Variants in ADGRG6 observed in about 807,000 individuals in gnomAD.
The protein encoded by ADGRG6 is adhesion G protein-coupled receptor G6.
In ADGRG6, 84 loss-of-function variants were observed where a neutral mutation model predicts 142.4. The ratio of observed to expected loss-of-function variants is 0.59; its 90% CI spans 0.49 to 0.71. The LOEUF (loss-of-function observed/expected upper bound fraction) is 0.71, where lower values mean the gene tolerates loss of function less well. ADGRG6 is among the 30% of genes least tolerant of loss of function. The pLI, the probability that ADGRG6 is intolerant of heterozygous loss-of-function variation, is 0.00. For synonymous variants in ADGRG6, 521 were observed against 520.5 expected, an observed-to-expected ratio of 1.00 and a Z score of -0.01; for missense variants, 1,367 against 1,466.6, an observed-to-expected ratio of 0.93 and a Z score of 1.11.
rs10223419 is a variant in ADGRG6 at position 142,325,217 on chromosome 6, A to T, written c.103+15573A>T. ...ATGTCTAAAAGGCCATGAAGTTTAC[A>T]TCTTCCTGTCTTTTCTTGACCCAAC... On this transcript the variant is annotated intron_variant, in intron 2 of 24. Transcript: ENST00000367609. Among the ~76,000 whole-genome samples, 744 of 152,244 alleles carry T rather than the reference A, an allele frequency of 4.9e-3. 10 individuals carry two copies. Among genetic ancestry groups the T allele is most frequent in the African/African-American group, 0.017 (706 of 41,558 alleles).
chr6:142,317,905 A>G (rs1234884784), intron 2 of ADGRG6, among the ~76,000 whole-genome samples: 1 of 74,986 alleles, frequency 1.3e-5, no homozygotes, highest in South Asian at 3.3e-4. Context: ...ATATTTATAT[A>G]TATTATATAT....
At chr6:142,303,152 A>G (rs1777311350) in intron 1 of ADGRG6, among the ~76,000 whole-genome samples, 1 of 152,042 alleles carries the variant, frequency 6.6e-6, no homozygotes, top group African/African-American at 2.4e-5. Context: ...GTAATAGGTA[A>G]TTTTCCTTCT....
intron 2 of ADGRG6, among the ~76,000 whole-genome samples, chr6:142,364,045 A>C (rs1300661379): frequency 6.6e-6 from 1 of 151,150 alleles, no homozygotes; most frequent in Non-Finnish European, 1.5e-5. Flanking sequence ...CTAGGCTTAC[A>C]TTCAGAAGGG....
At chr6:142,397,533 TCCAAATACTCTGTTTCTCCTA>T in intron 9 of ADGRG6, 59 bp from the exon 10 acceptor site, 1 of 1,343,188 alleles carries the variant, frequency 7.4e-7, no homozygotes, top group Non-Finnish European at 1.0e-6. Context: ...TCCCTCTACA[TCCAAATACTCTGTTTCTCCTA>T]CCAAATGACA....
At position 142,443,518 on chromosome 6, in the gene ADGRG6, T is replaced by A. The variant is rs914089336; in HGVS notation, c.*3T>A. ...TCAGCCACAGCACAAAGTTTTAATG[T>A]CTTTAAGAAAAAGAAATCAATCTGC... On this transcript the variant is annotated 3_prime_UTR_variant, in exon 25 of 25. Coordinates refer to ENST00000367609, the MANE Select transcript of ADGRG6 (RefSeq NM_198569.3). The A allele has an allele frequency of 1.3e-6, 2 of 1,594,252 alleles. No homozygotes were observed. The highest frequency in any genetic ancestry group is 2.7e-5 in the African/African-American group (2 of 74,092).
At chr6:142,346,456 A>G (rs938878217) in intron 2 of ADGRG6, among the ~76,000 whole-genome samples, 4 of 152,142 alleles carry the variant, frequency 2.6e-5, no homozygotes, top group South Asian at 2.1e-4. Context: ...TCTTTTGAGA[A>G]GTATCTGTTC....
intron 22 of ADGRG6, among the ~76,000 whole-genome samples, chr6:142,436,965 T>C (rs9403385): frequency 6.6e-6 from 1 of 152,348 alleles, no homozygotes; most frequent in East Asian, 1.9e-4. Context: ...CCCAAGCTAA[T>C]ATACTATGAA....
At chr6:142,395,352 C>T (rs936275107) in intron 9 of ADGRG6, among the ~76,000 whole-genome samples, 4 of 152,028 alleles carry the variant, frequency 2.6e-5, no homozygotes, top group Non-Finnish European at 5.9e-5. Context: ...GTAATGGATC[C>T]AGCAGCAATC....
chr6:142,414,457 AGGAGCCTCCGCAC>A (rs1776251878), intron 18 of ADGRG6, among the ~76,000 whole-genome samples: 2 of 152,212 alleles, frequency 1.3e-5, no homozygotes, highest in Non-Finnish European at 2.9e-5. Flanking sequence ...AACCAGGGTT[AGGAGCCTCCGCAC>A]CACCCTTAGA....
At chr6:142,337,996 CT>C (rs58795821) in intron 2 of ADGRG6, among the ~76,000 whole-genome samples, 6,827 of 127,908 alleles carry the variant, frequency 0.053, 569 homozygotes, top group African/African-American at 0.15. Context: ...ACACTAAATC[CT>C]TTTTATGCCT....
chr6:142,389,191 T>G (rs960371302), intron 6 of ADGRG6, among the ~76,000 whole-genome samples: 15 of 151,986 alleles, frequency 9.9e-5, no homozygotes, highest in Non-Finnish European at 1.8e-4. Flanking sequence ...AGACATTCCT[T>G]TGGTAGTGGG....
At chr6:142,341,706 A>C (rs1779667844) in intron 2 of ADGRG6, among the ~76,000 whole-genome samples, 1 of 140,160 alleles carries the variant, frequency 7.1e-6, no homozygotes. Context: ...ATTGGAGAGC[A>C]AGATTCTAAT....
In ADGRG6 at chr6:142,415,033, A is replaced by C. The variant is rs1032359171; in HGVS notation, c.2606A>C (p.Tyr869Ser). 3.1e-6 allele frequency: 5 copies of C among 1,610,830 alleles called. No individual in the cohort carries two copies. The South Asian group carries it at 5.5e-5, about 18-fold the overall frequency. Reference sequence around the variant, plus strand: ...ACTAAAGTCCTCACTTTCATCAGCTATATTGGGTGTGGAATATCTGCTATT... The same window carrying C: ...ACTAAAGTCCTCACTTTCATCAGCTCTATTGGGTGTGGAATATCTGCTATT... ...RNTKVLTFIS[Y>S]IGCGISAIFS... Residue 869 changes from tyrosine (Y) to serine (S), a missense_variant, in exon 19 of 25, where the codon TAT becomes TCT. Around this residue, in one of 3 missense-constraint regions of ADGRG6, gnomAD observed 286 missense variants for 371.4 expected, o/e 0.77. Coordinates refer to ENST00000367609, the MANE Select transcript of ADGRG6 (RefSeq NM_198569.3).
intron 16 of ADGRG6, among the ~76,000 whole-genome samples, chr6:142,408,870 A>T (rs1490832599): frequency 6.6e-6 from 1 of 152,130 alleles, no homozygotes; most frequent in African/African-American, 2.4e-5. Context: ...ATAGGCAGGA[A>T]GACAGGCTGG....
chr6:142,387,601 T>G (rs1337631613), intron 6 of ADGRG6, among the ~76,000 whole-genome samples: 1 of 152,242 alleles, frequency 6.6e-6, no homozygotes, highest in Non-Finnish European at 1.5e-5. Context: ...ATTTGGTTTA[T>G]ATTTTAACGT....
intron 22 of ADGRG6, among the ~76,000 whole-genome samples, chr6:142,436,431 A>G (rs1055372258): frequency 5.3e-5 from 8 of 152,164 alleles, no homozygotes; most frequent in African/African-American, 1.9e-4. Context: ...TGGAGTTGCC[A>G]TCATTCTTAC....
intron 4 of ADGRG6, among the ~76,000 whole-genome samples, chr6:142,374,067 G>C (rs1338078787): frequency 6.6e-6 from 1 of 151,730 alleles, no homozygotes; most frequent in East Asian, 1.9e-4. Context: ...TATTGTCTTT[G>C]TCTGCCTCTG....
intron 2 of ADGRG6, among the ~76,000 whole-genome samples, chr6:142,357,309 C>T (rs1780493686): frequency 6.6e-6 from 1 of 152,030 alleles, no homozygotes; most frequent in South Asian, 2.1e-4. Flanking sequence ...GAAAAGCTAA[C>T]ATTTTATAAA....
intron 19 of ADGRG6, among the ~76,000 whole-genome samples, chr6:142,415,530 T>TA (rs948350966): frequency 2.1e-4 from 32 of 151,660 alleles, no homozygotes; most frequent in African/African-American, 6.5e-4. Flanking sequence ...TTTCCTGGGT[T>TA]AAAAAAAAAT....
Sources: allele counts gnomAD v4.1 joint callset (sites outside exome capture counted in the v4.1 genomes callset), GRCh38; gene constraint gnomAD v4.1.1; regional missense constraint gnomAD v4.1.1; transcripts MANE v1.5; gene names NCBI Gene and HGNC (gene_info 2026-07-23, HGNC 2026-07-21).